ZHX3: variants seen among roughly 807,000 people sequenced by gnomAD.
The protein encoded by ZHX3 is zinc fingers and homeoboxes protein 3.
Under a neutral mutation model 64.5 loss-of-function variants are expected in ZHX3, and 20 were observed. That is an observed-to-expected ratio of 0.31 (90% CI 0.22 to 0.45). The LOEUF is 0.45. ZHX3 is among the 20% of genes least tolerant of loss of function. ZHX3 has a pLI of 1.00. For synonymous variants in ZHX3, 423 were observed against 461.6 expected (o/e 0.92, Z 1.07); for missense variants, 1,041 against 1,195.8 (o/e 0.87, Z 1.91).
intron 1 of ZHX3, among the ~76,000 whole-genome samples, chr20:41,306,564 G>A (rs1241861291): frequency 2.6e-5 from 4 of 152,112 alleles, no homozygotes; most frequent in Admixed American, 6.6e-5. Flanking sequence ...GCTCTCCATT[G>A]GTGTCCAGCA....
intron 2 of ZHX3, among the ~76,000 whole-genome samples, chr20:41,222,272 G>C (rs1037313582): frequency 3.9e-5 from 6 of 152,172 alleles, no homozygotes; most frequent in African/African-American, 1.4e-4. Context: ...GTAGCCACGG[G>C]AATCAAGGAT....
chr20:41,236,022 T>C (rs1481952475), intron 2 of ZHX3, among the ~76,000 whole-genome samples: 4 of 152,160 alleles, frequency 2.6e-5, no homozygotes, highest in Non-Finnish European at 5.9e-5. Context: ...CCATTCACAA[T>C]TGCTTCAAAG....
intron 1 of ZHX3, among the ~76,000 whole-genome samples, chr20:41,307,853 A>G (rs1370755265): frequency 1.3e-5 from 2 of 152,214 alleles, no homozygotes; most frequent in Non-Finnish European, 2.9e-5. Context: ...TTTTGATTAT[A>G]TCTCCTTCAC....
At chr20:41,287,939 G>A (rs1301624524) in intron 1 of ZHX3, among the ~76,000 whole-genome samples, 5 of 152,214 alleles carry the variant, frequency 3.3e-5, no homozygotes, top group African/African-American at 9.6e-5. Flanking sequence ...ATCATGGGAT[G>A]TATTAAGAAA....
intron 1 of ZHX3, among the ~76,000 whole-genome samples, chr20:41,309,557 C>T (rs1276266881): frequency 1.3e-5 from 2 of 152,164 alleles, no homozygotes; most frequent in African/African-American, 2.4e-5. Context: ...GGGATTCCTT[C>T]AGAAGTATAA....
chr20:41,272,808 T>G (rs1197482649), intron 1 of ZHX3, among the ~76,000 whole-genome samples: 2 of 152,198 alleles, frequency 1.3e-5, no homozygotes, highest in African/African-American at 2.4e-5. Context: ...TTCCATCTTT[T>G]GGCTATTGTG....
Position 41,202,524 on chromosome 20 carries a change from A to G in ZHX3, c.2393T>C (p.Met798Thr). ...TGGCCGTGGCAGACCCGTCTGGGCC[A>G]TGATGGAGTCATAGTCCTGGTTGCT... ...WPSNQDYDSIMAQTGLPRPEV... is the reference protein window; with the variant it reads ...WPSNQDYDSITAQTGLPRPEV... The change falls in exon 3 of 4, where the codon ATG becomes ACG. Residue 798 changes from methionine to threonine, a missense_variant. Met to Thr is a moderately conservative substitution (Grantham distance 81, BLOSUM62 -1). Coordinates refer to ENST00000683867, the MANE Select transcript of ZHX3 (RefSeq NM_001384317.1). This position sits in a 1 kb window ranked among gnomAD's most constrained non-coding sequence, Gnocchi z 7.0. 6.2e-7 allele frequency: 1 copy of G among 1,614,188 alleles called. No homozygotes were observed. The highest frequency in any genetic ancestry group is 8.5e-7 in the Non-Finnish European group (1 of 1,180,022).
In ZHX3 at chr20:41,181,498, G is replaced by C. The variant is rs1052597738; in HGVS notation, c.*3693C>G. 1.6e-4 allele frequency: 25 copies of C among 152,090 alleles called. No individual in the cohort carries two copies. The highest frequency in any genetic ancestry group is 8.8e-5 in the Non-Finnish European group (6 of 68,030). The allele number at this position is 152,090 out of a possible 1,614,324, so 9.4% of individuals were successfully genotyped here. On this transcript the variant is annotated 3_prime_UTR_variant, in exon 4 of 4. Transcript: ENST00000683867. ...TTTATCCACTTGGGGTGTGATATCT[G>C]AACTGAAAAAGCTGCACCAATCTGA... is the stretch of plus-strand genomic sequence containing the variant.
chr20:41,277,176 A>G (rs2043422979), intron 1 of ZHX3, among the ~76,000 whole-genome samples: 1 of 152,174 alleles, frequency 6.6e-6, no homozygotes, highest in Non-Finnish European at 1.5e-5. Context: ...CATTTGACAA[A>G]AAGTTTACCA....
chr20:41,271,167 C>T (rs1331459040), intron 1 of ZHX3, among the ~76,000 whole-genome samples: 2 of 152,130 alleles, frequency 1.3e-5, no homozygotes, highest in African/African-American at 2.4e-5. Flanking sequence ...ACTACAGGCA[C>T]GCGCCACCAC....
chr20:41,265,495 C>A (rs577759670), intron 2 of ZHX3, among the ~76,000 whole-genome samples: 1 of 152,128 alleles, frequency 6.6e-6, no homozygotes, highest in Non-Finnish European at 1.5e-5. Flanking sequence ...AGCCACCGCG[C>A]CCGGCCGTTA....
Position 41,262,937 on chromosome 20 carries a change from T to C in ZHX3, c.-151+6053A>G, listed in dbSNP as rs1015868331. Among the ~76,000 whole-genome samples, 17 of 152,356 alleles carry C rather than the reference T, an allele frequency of 1.1e-4. No homozygotes were observed. The East Asian group carries it at 1.5e-3, about 14-fold the overall frequency. On this transcript the variant is annotated intron_variant, in intron 2 of 3. Coordinates refer to ENST00000683867, the MANE Select transcript of ZHX3 (RefSeq NM_001384317.1). ...AGGCAAGTTCTTGCTTTTGCTTTGA[T>C]TTTAGTAAATAAATTCAGAAAAATA...
chr20:41,204,616 T>C lies in ZHX3; in HGVS notation c.301A>G (p.Thr101Ala). 1 of 1,614,260 alleles carries C rather than the reference T, an allele frequency of 6.2e-7. No homozygotes were observed. Among genetic ancestry groups the C allele is most frequent in the East Asian group, 2.2e-5 (1 of 44,888 alleles). ...QFVGHMNSEH[T>A]DFNKDPTFVC... ...AAGGTTGGGTCTTTATTAAAGTCTG[T>C]GTGCTCTGAGTTCATATGTCCCACA... is the stretch of plus-strand genomic sequence containing the variant. The change falls in exon 3 of 4, where the codon ACA becomes GCA. Residue 101 changes from threonine to alanine, a missense_variant. By Grantham distance (58) the Thr-to-Ala change is moderately conservative (BLOSUM62 0). Coordinates refer to ENST00000683867, the MANE Select transcript of ZHX3 (RefSeq NM_001384317.1). The surrounding 1 kb of genome is among the most constrained non-coding windows in gnomAD (Gnocchi z 6.6).
intron 2 of ZHX3, among the ~76,000 whole-genome samples, chr20:41,210,173 C>A (rs970695243): frequency 1.3e-5 from 2 of 152,124 alleles, no homozygotes; most frequent in African/African-American, 4.8e-5. Flanking sequence ...GTTAGAATGG[C>A]GACCATTAAA....
chr20:41,190,596 G>C (rs75346834), intron 3 of ZHX3, among the ~76,000 whole-genome samples: 1 of 152,064 alleles, frequency 6.6e-6, no homozygotes, highest in African/African-American at 2.4e-5. Context: ...GGTAGCATTT[G>C]AGTCTTTTCC....
At chr20:41,243,340 T>C (rs576134655) in intron 2 of ZHX3, among the ~76,000 whole-genome samples, 1 of 152,252 alleles carries the variant, frequency 6.6e-6, no homozygotes, top group Non-Finnish European at 1.5e-5. Flanking sequence ...GCTATCAAGG[T>C]AATAAGAAAC....
chr20:41,297,165 C>A (rs2044573893), intron 1 of ZHX3, among the ~76,000 whole-genome samples: 2 of 152,186 alleles, frequency 1.3e-5, no homozygotes, highest in African/African-American at 2.4e-5. Flanking sequence ...AGGAGAATGG[C>A]AGTTCTGGGG....
Position 41,224,705 on chromosome 20 carries a change from G to A in ZHX3, c.-150-19639C>T, listed in dbSNP as rs1342692066. Among the ~76,000 whole-genome samples, 1 of 152,172 alleles carries A rather than the reference G, an allele frequency of 6.6e-6. No homozygotes were observed. Among genetic ancestry groups the A allele is most frequent in the Non-Finnish European group, 1.5e-5 (1 of 68,026 alleles). On this transcript the variant is annotated intron_variant, in intron 2 of 3. Coordinates refer to ENST00000683867, the MANE Select transcript of ZHX3 (RefSeq NM_001384317.1). The surrounding 1 kb of genome is among the most constrained non-coding windows in gnomAD (Gnocchi z 5.2). ...TCATCACAAGGCCATTTGGATACAC[G>A]TTTTCAGACACTCATTTATAATTCC...
At position 41,317,704 on chromosome 20, in the gene ZHX3, C is replaced by A. The variant is rs1385779830; in HGVS notation, c.-440G>T. ...CTCCGGGCCGCTCGGCTGGGCTCGG[C>A]CGCTCTCGGAGGCGCTCGGCTCTGC... On this transcript the variant is annotated 5_prime_UTR_variant, in exon 1 of 4. Transcript: ENST00000683867. 1 of 151,822 alleles carries A rather than the reference C, an allele frequency of 6.6e-6. No homozygotes were observed. Among genetic ancestry groups the A allele is most frequent in the South Asian group, 2.1e-4 (1 of 4,830 alleles). The allele number at this position is 151,822 out of a possible 1,614,324, so 9.4% of individuals were successfully genotyped here.
Sources: gnomAD v4.1 joint callset for allele counts (sites outside exome capture counted in the v4.1 genomes callset) on GRCh38, gnomAD v4.1.1 for gene constraint, Gnocchi (gnomAD v3.1) non-coding constraint, MANE v1.5 for transcripts, NCBI Gene and HGNC (gene_info 2026-07-23, HGNC 2026-07-21) for gene names.